The following ZNF536 variants were observed in gnomAD, a reference collection of about 807,000 sequenced individuals.
ZNF536 encodes zinc finger protein 536.
In ZNF536, 13 loss-of-function variants were observed where a neutral mutation model predicts 84.5. The ratio of observed to expected loss-of-function variants is 0.15; its 90% confidence interval spans 0.10 to 0.24. ZNF536 has a LOEUF of 0.24. ZNF536 is among the 10% of genes least tolerant of loss of function. The probability of loss-of-function intolerance (pLI) is 1.00; values close to 1 mark genes in which losing one functional copy is unlikely to be tolerated. For missense variants in ZNF536, 1,536 were observed against 1,747.5 expected (o/e 0.88, Z 2.16); for synonymous variants, 811 against 742.5 (o/e 1.09, Z -1.50).
chr19:30,494,059 G>C (rs1441032671), intron 2 of ZNF536, among the ~76,000 whole-genome samples: 1 of 152,056 alleles, frequency 6.6e-6, no homozygotes, highest in Admixed American at 6.6e-5. Context: ...CTCTCATTCA[G>C]CTATTTTACT....
chr19:30,321,280 G>T (rs533956719), intron 2 of ZNF536, among the ~76,000 whole-genome samples: 1 of 152,210 alleles, frequency 6.6e-6, no homozygotes, highest in African/African-American at 2.4e-5. Flanking sequence ...GAAAGGGGCC[G>T]GTGCGATGGC....
chr19:30,234,769 A>G (rs2866817), intron 1 of ZNF536, among the ~76,000 whole-genome samples: 3,659 of 145,282 alleles, frequency 0.025, 129 homozygotes, highest in African/African-American at 0.083. Flanking sequence ...ACACACACAC[A>G]CACACGCGCA....
chr19:30,427,412 G>A (rs927612505), intron 1 of ZNF536, among the ~76,000 whole-genome samples: 6 of 152,146 alleles, frequency 3.9e-5, no homozygotes, highest in African/African-American at 1.4e-4. Flanking sequence ...TTTGCCCTCA[G>A]GAAAAACAAT....
intron 1 of ZNF536, among the ~76,000 whole-genome samples, chr19:30,623,136 C>T (rs1176268293): frequency 6.6e-6 from 1 of 151,148 alleles, no homozygotes; most frequent in Non-Finnish European, 1.5e-5. Context: ...TTTTTGTCTC[C>T]TACCCCATAT....
intron 2 of ZNF536, among the ~76,000 whole-genome samples, chr19:30,326,722 G>T (rs1363264803): frequency 7.1e-6 from 1 of 141,304 alleles, no homozygotes; most frequent in Non-Finnish European, 1.5e-5. Context: ...AGAAGGATTT[G>T]CTGTACAAAT....
upstream of ZNF536, among the ~76,000 whole-genome samples, chr19:30,226,870 G>A (rs2022643759): frequency 6.6e-6 from 1 of 151,984 alleles, no homozygotes; most frequent in African/African-American, 2.4e-5. The surrounding 1 kb of genome is among the most constrained non-coding windows in gnomAD (Gnocchi z 4.6). Context: ...GCAGATGCAT[G>A]ACTGGGGTAG....
At chr19:30,701,995 C>T (rs561200517) in intron 1 of ZNF536, among the ~76,000 whole-genome samples, 4 of 152,300 alleles carry the variant, frequency 2.6e-5, no homozygotes, top group Admixed American at 1.3e-4. Flanking sequence ...TCTCCCCACT[C>T]TCTTACCCTC....
intron 1 of ZNF536, among the ~76,000 whole-genome samples, chr19:30,432,333 A>G (rs1483894659): frequency 1.3e-5 from 2 of 152,086 alleles, no homozygotes; most frequent in African/African-American, 4.8e-5. Context: ...GACTTTCCAT[A>G]GGGTGGGATT....
chr19:30,697,441 ATACT>A (rs543922104), intron 1 of ZNF536, among the ~76,000 whole-genome samples: 3 of 152,218 alleles, frequency 2.0e-5, no homozygotes, highest in Non-Finnish European at 4.4e-5. Flanking sequence ...GAGTATTTTA[ATACT>A]TACAGCCTTT....
At chr19:30,233,855 G>A (rs1270470469) in intron 1 of ZNF536, among the ~76,000 whole-genome samples, 1 of 152,172 alleles carries the variant, frequency 6.6e-6, no homozygotes, top group Non-Finnish European at 1.5e-5. Context: ...CATCTCCCGT[G>A]ACCCACGTTC....
At chr19:30,311,052 C>T (rs891850774) in intron 2 of ZNF536, among the ~76,000 whole-genome samples, 1 of 152,148 alleles carries the variant, frequency 6.6e-6, no homozygotes, top group African/African-American at 2.4e-5. Flanking sequence ...AGCCCTTGGT[C>T]CCTAGGGCCT....
chr19:30,343,116 C>T (rs2146575707), intron 2 of ZNF536, among the ~76,000 whole-genome samples: 1 of 152,290 alleles, frequency 6.6e-6, no homozygotes, highest in South Asian at 2.1e-4. Context: ...TGGATAAGCC[C>T]TTCTATGGTA....
intron 2 of ZNF536, among the ~76,000 whole-genome samples, chr19:30,489,734 C>G (rs549562854): frequency 1.3e-5 from 2 of 152,222 alleles, no homozygotes; most frequent in South Asian, 4.2e-4. Flanking sequence ...AGAAAGAAGT[C>G]TATAAAAGTG....
chr19:30,628,430 CTT>C (rs35554742), intron 1 of ZNF536, among the ~76,000 whole-genome samples: 142 of 139,330 alleles, frequency 1.0e-3, no homozygotes, highest in African/African-American at 3.6e-3. Context: ...CCAGTAGTCA[CTT>C]TTTTTTTTTT....
chr19:30,557,245 G>T lies in ZNF536; in HGVS notation c.*81G>T. 1 of 1,508,386 alleles carries T rather than the reference G, an allele frequency of 6.6e-7. No homozygotes were observed. The highest frequency in any genetic ancestry group is 9.2e-7 in the Non-Finnish European group (1 of 1,086,592). 93.4% of individuals were successfully genotyped at this position (1,508,386 alleles called of 1,614,324 possible). On this transcript the variant is annotated 3_prime_UTR_variant, in exon 5 of 5. Transcript: ENST00000355537. Reference sequence around the variant, plus strand: ...GGTGGTTATCTGCAGCTTGTTAATCGTGTAAAGTCAAGAGAAGAATGTATA... The same window carrying T: ...GGTGGTTATCTGCAGCTTGTTAATCTTGTAAAGTCAAGAGAAGAATGTATA...
intron 1 of ZNF536, among the ~76,000 whole-genome samples, chr19:30,248,892 T>C (rs1599879699): frequency 6.6e-6 from 1 of 152,162 alleles, no homozygotes; most frequent in Non-Finnish European, 1.5e-5. Context: ...GGTGACATTT[T>C]AAGGAGGAAG....
chr19:30,660,252 T>G (rs958903182), intron 1 of ZNF536, among the ~76,000 whole-genome samples: 1 of 152,174 alleles, frequency 6.6e-6, no homozygotes, highest in African/African-American at 2.4e-5. Context: ...GTGTGCAGTT[T>G]CAGCACCCAG....
chr19:30,574,957 G>A (rs754236695), intron 1 of ZNF536, among the ~76,000 whole-genome samples: 2 of 152,156 alleles, frequency 1.3e-5, no homozygotes, highest in Non-Finnish European at 2.9e-5. Flanking sequence ...ATGGCAGGAA[G>A]GCTGTGGGCT....
intron 2 of ZNF536, among the ~76,000 whole-genome samples, chr19:30,330,528 T>G (rs4805548): frequency 6.6e-6 from 1 of 152,166 alleles, no homozygotes; most frequent in Non-Finnish European, 1.5e-5. Flanking sequence ...TTGCTACCAG[T>G]GGATTTAGAA....
Sources: gnomAD v4.1 joint callset for allele counts (sites outside exome capture counted in the v4.1 genomes callset) on GRCh38, gnomAD v4.1.1 for gene constraint, Gnocchi (gnomAD v3.1) non-coding constraint, MANE v1.5 for transcripts, NCBI Gene and HGNC (gene_info 2026-07-23, HGNC 2026-07-21) for gene names.